Variants in GRIA3 observed in about 807,000 individuals in gnomAD.
GRIA3 encodes glutamate receptor 3.
In GRIA3, 3 loss-of-function variants were observed where a neutral mutation model predicts 63.0. The observed-to-expected ratio is 0.05, with a 90% confidence interval of 0.02 to 0.12. The LOEUF (loss-of-function observed/expected upper bound fraction) is 0.12, where lower values mean the gene tolerates loss of function less well. Among genes scored for constraint, GRIA3 ranks in the 10% least tolerant of loss-of-function variants. GRIA3 has a pLI of 1.00. For synonymous variants in GRIA3, 274 were observed against 257.9 expected (o/e 1.06, Z -0.60); for missense variants, 347 against 700.9 (o/e 0.50, Z 5.70).
At chrX:123,433,164 C>G (rs1455286557) in intron 12 of GRIA3, among the ~76,000 whole-genome samples, 20 of 111,775 alleles carry the variant, frequency 1.8e-4, no homozygotes, top group African/African-American at 6.5e-4. Flanking sequence ...AAATTTAAAT[C>G]CATGTCAATT....
At chrX:123,337,636 T>C (rs754140050) in intron 4 of GRIA3, among the ~76,000 whole-genome samples, 2 of 111,837 alleles carry the variant, frequency 1.8e-5, no homozygotes, top group South Asian at 7.7e-4. Flanking sequence ...ACCTCAGTAA[T>C]ACTCTGTCTT....
chrX:123,193,053 G>A lies in GRIA3; in HGVS notation c.268+7063G>A, dbSNP rs141257208. 4.5e-3 allele frequency among the ~76,000 whole-genome samples: 499 copies of A among 109,876 alleles called. 6 individuals are homozygous for A. Among genetic ancestry groups the A allele is most frequent in the African/African-American group, 0.015 (465 of 30,213 alleles). ...TGTATCTTCTTGCCCTCCAAAGAAG[G>A]TTCTGTAAGAGACACATTTGGCTCG... is the stretch of plus-strand genomic sequence containing the variant. On this transcript the variant is annotated intron_variant, in intron 2 of 15. Coordinates refer to ENST00000620443, the MANE Select transcript of GRIA3 (RefSeq NM_007325.5).
intron 2 of GRIA3, among the ~76,000 whole-genome samples, chrX:123,219,701 G>A (rs1397859496): frequency 8.9e-6 from 1 of 112,007 alleles, no homozygotes; most frequent in Non-Finnish European, 1.9e-5. Context: ...AGCTAATACA[G>A]TAATGCCTGA....
intron 5 of GRIA3, among the ~76,000 whole-genome samples, chrX:123,380,970 T>C (rs745992497): frequency 1.1e-4 from 12 of 111,585 alleles, no homozygotes; most frequent in Non-Finnish European, 1.5e-4. Context: ...TGTGGCATTA[T>C]TTCTGAGGGG....
intron 3 of GRIA3, among the ~76,000 whole-genome samples, chrX:123,304,765 A>G (rs918101942): frequency 8.9e-6 from 1 of 112,376 alleles, no homozygotes; most frequent in African/African-American, 3.2e-5. Flanking sequence ...AACTGCTTCC[A>G]AAAGGCTATA....
chrX:123,229,838 A>G (rs2044267079), intron 2 of GRIA3, among the ~76,000 whole-genome samples: 1 of 110,052 alleles, frequency 9.1e-6, no homozygotes, highest in African/African-American at 3.4e-5. Context: ...ACCTGAATTG[A>G]GATAACATAT....
At chrX:123,304,210 TAACAACAACAATAAC>T (rs377063919) in intron 3 of GRIA3, among the ~76,000 whole-genome samples, 5 of 11,991 alleles carry the variant, frequency 4.2e-4, no homozygotes, top group African/African-American at 1.3e-3. Flanking sequence ...GGCATTTCAA[TAACAACAACAATAAC>T]AACAACAACA....
chrX:123,319,992 T>A (rs942892899), intron 3 of GRIA3, among the ~76,000 whole-genome samples: 2 of 111,624 alleles, frequency 1.8e-5, no homozygotes, highest in Non-Finnish European at 1.9e-5. Context: ...TGCTCCAGAG[T>A]AAGCCTTGGC....
In GRIA3 at chrX:123,390,437, T is replaced by C. The variant is rs149326579; in HGVS notation, c.751-4531T>C. ...TGTTTTTTTGTTTTGTTTTGTTTTG[T>C]TTTGTTTTTTCAGAACTTTGAGTTT... is the stretch of plus-strand genomic sequence containing the variant. On this transcript the variant is annotated intron_variant, in intron 5 of 15. Coordinates refer to ENST00000620443, the MANE Select transcript of GRIA3 (RefSeq NM_007325.5). Among the ~76,000 whole-genome samples, 489 of 111,944 alleles carry C rather than the reference T, an allele frequency of 4.4e-3. 3 individuals are homozygous for C. Among genetic ancestry groups the C allele is most frequent in the African/African-American group, 0.015 (469 of 30,815 alleles).
chrX:123,331,609 G>A (rs1323718287), intron 4 of GRIA3, among the ~76,000 whole-genome samples: 2 of 111,659 alleles, frequency 1.8e-5, no homozygotes, highest in African/African-American at 3.3e-5. Context: ...TCTCCACTTT[G>A]TTGGTCCCTT....
At chrX:123,226,372 A>G in intron 2 of GRIA3, among the ~76,000 whole-genome samples, 1 of 111,991 alleles carries the variant, frequency 8.9e-6, no homozygotes, top group South Asian at 3.7e-4. Context: ...GCTCCCAAGT[A>G]TTCCCAGGTA....
intron 12 of GRIA3, among the ~76,000 whole-genome samples, chrX:123,442,429 G>A (rs1402992375): frequency 1.8e-5 from 2 of 112,086 alleles, no homozygotes; most frequent in Admixed American, 9.5e-5. Flanking sequence ...ACAGAACAAA[G>A]ATCAAAGAGT....
chrX:123,490,379 A>G lies in GRIA3; in HGVS notation c.*1669A>G, dbSNP rs1333326473. ...CAAATTTCAAATGGTATTGAACAAAAAAAGAAAGCTGTTGTGTTTTTGTTT... is the reference window on the plus strand; with the variant it reads ...CAAATTTCAAATGGTATTGAACAAAGAAAGAAAGCTGTTGTGTTTTTGTTT... On this transcript the variant is annotated 3_prime_UTR_variant, in exon 16 of 16. Coordinates refer to ENST00000620443, the MANE Select transcript of GRIA3 (RefSeq NM_007325.5). 1 of 113,162 alleles carries G rather than the reference A, an allele frequency of 8.8e-6. No individual in the cohort carries two copies. Among genetic ancestry groups the G allele is most frequent in the Non-Finnish European group, 1.9e-5 (1 of 53,394 alleles). The allele number at this position is 113,162 out of a possible 1,213,427, so 9.3% of individuals were successfully genotyped here.
intron 13 of GRIA3, among the ~76,000 whole-genome samples, chrX:123,479,340 A>T (rs1044087422): frequency 2.7e-5 from 3 of 112,053 alleles, no homozygotes; most frequent in African/African-American, 9.7e-5. Flanking sequence ...CTCAAAAACA[A>T]TCCATAGACC....
At chrX:123,376,653 T>C (rs2045286256) in intron 5 of GRIA3, among the ~76,000 whole-genome samples, 2 of 112,206 alleles carry the variant, frequency 1.8e-5, no homozygotes, top group African/African-American at 6.5e-5. Context: ...TGTTCTGAGT[T>C]TACTTTTCCC....
intron 2 of GRIA3, 122 bp from the exon 3 acceptor site, chrX:123,253,181 A>G (rs2044400470): frequency 1.3e-6 from 1 of 791,370 alleles, no homozygotes; most frequent in Non-Finnish European, 1.9e-6. Context: ...CTGGGTTTTC[A>G]GGGGCTTCTT....
At chrX:123,322,799 G>A (rs1282683299) in intron 3 of GRIA3, among the ~76,000 whole-genome samples, 1 of 111,932 alleles carries the variant, frequency 8.9e-6, no homozygotes, top group African/African-American at 3.2e-5. Context: ...ATTCAGCCAC[G>A]GTTCTGACTT....
chrX:123,459,066 AG>A (rs1291616604), intron 12 of GRIA3, among the ~76,000 whole-genome samples: 1 of 111,581 alleles, frequency 9.0e-6, no homozygotes, highest in Non-Finnish European at 1.9e-5. Context: ...CCTGTGTTTC[AG>A]GGATTCTTCT....
intron 12 of GRIA3, among the ~76,000 whole-genome samples, chrX:123,440,046 A>G (rs927883574): frequency 8.9e-6 from 1 of 111,821 alleles, no homozygotes; most frequent in Admixed American, 9.5e-5. Context: ...AACACATGGT[A>G]TGTGGTTTTC....
Sources: allele counts gnomAD v4.1 joint callset (sites outside exome capture counted in the v4.1 genomes callset), GRCh38; gene constraint gnomAD v4.1.1; transcripts MANE v1.5; gene names NCBI Gene and HGNC (gene_info 2026-07-23, HGNC 2026-07-21).